The following EXD1 variants were observed in gnomAD, a reference collection of about 807,000 sequenced individuals.
EXD1 encodes the protein exonuclease 3'-5' domain containing 1, also known as piRNA biogenesis protein EXD1.
In EXD1, 63 loss-of-function variants were observed where a neutral mutation model predicts 49.1. The ratio of observed to expected loss-of-function variants is 1.28; its 90% CI spans 1.05 to 1.58. The LOEUF is 1.58. Among genes scored for constraint, EXD1 ranks in the 40% most tolerant of loss-of-function variants. The pLI is 0.00. For synonymous variants in EXD1, 234 were observed against 239.2 expected (o/e 0.98, Z 0.20); for missense variants, 748 against 666.0 (o/e 1.12, Z -1.36).
intron 6 of EXD1, among the ~76,000 whole-genome samples, chr15:41,213,618 C>T (rs192552015): frequency 7.2e-5 from 11 of 152,136 alleles, no homozygotes; most frequent in African/African-American, 2.7e-4. Flanking sequence ...TCCCACTCAG[C>T]CTCCCCAGTA....
intron 9 of EXD1, among the ~76,000 whole-genome samples, chr15:41,195,328 C>T (rs1428768901): frequency 6.6e-6 from 1 of 152,104 alleles, no homozygotes; most frequent in African/African-American, 2.4e-5. Context: ...CTGTTTGGGC[C>T]CACATAGATT....
rs2047226864 is a variant in EXD1, at chr15:41,230,601, G to T, written c.-176C>A. On this transcript the variant is annotated 5_prime_UTR_variant, in exon 1 of 12. Transcript: ENST00000458580. ...CTCGAACTTCAGTCTAGAACTAAAAGAAGAGGGGCTGCAATGAAGGAAGAA... is the reference window on the plus strand; with the variant it reads ...CTCGAACTTCAGTCTAGAACTAAAATAAGAGGGGCTGCAATGAAGGAAGAA... 6.4e-7 allele frequency: 1 copy of T among 1,574,030 alleles called. No homozygotes were observed. The highest frequency in any genetic ancestry group is 1.4e-5 in the African/African-American group (1 of 73,644).
chr15:41,215,617 C>T (rs368054797), intron 6 of EXD1, among the ~76,000 whole-genome samples, 158 bp downstream of exon 6: 5 of 151,392 alleles, frequency 3.3e-5, no homozygotes, highest in Admixed American at 2.6e-4. Context: ...ACCTGGGAGG[C>T]GGAGCTTGCA....
At chr15:41,214,591 G>A (rs942334470) in intron 6 of EXD1, among the ~76,000 whole-genome samples, 1 of 151,868 alleles carries the variant, frequency 6.6e-6, no homozygotes, top group African/African-American at 2.4e-5. Context: ...ACAATGTCTA[G>A]AAAGCCCTAA....
At chr15:41,216,230 A>G (rs8030732) in intron 5 of EXD1, among the ~76,000 whole-genome samples, 24,246 of 151,588 alleles carry the variant, frequency 0.16, 3,590 homozygotes, top group African/African-American at 0.39. Flanking sequence ...TTAGGATTCC[A>G]TAGAGAATCT....
At chr15:41,198,708 A>AT (rs896709895) in intron 7 of EXD1, among the ~76,000 whole-genome samples, 210 of 146,330 alleles carry the variant, frequency 1.4e-3, no homozygotes, top group Non-Finnish European at 1.9e-3. Context: ...ATTAAAAAAA[A>AT]TTTTTTTTTT....
rs2047229589 is a variant in EXD1 at position 41,230,708 on chromosome 15, A to T, written c.-283T>A. The T allele has an allele frequency of 1.4e-6, 1 of 716,084 alleles. No individual in the cohort carries two copies. The highest frequency in any genetic ancestry group is 2.2e-6 in the Non-Finnish European group (1 of 444,910). 44.4% of individuals were successfully genotyped at this position (716,084 alleles called of 1,614,324 possible). On this transcript the variant is annotated 5_prime_UTR_variant, in exon 1 of 12. Coordinates refer to ENST00000458580, the MANE Select transcript of EXD1 (RefSeq NM_001286441.2). Reference sequence around the variant, plus strand: ...TGGAGAAAGGTCCGCGACGCCGGGGACACACGCCGCAGAGGCGACGCCCGC... The same window carrying T: ...TGGAGAAAGGTCCGCGACGCCGGGGTCACACGCCGCAGAGGCGACGCCCGC...
chr15:41,202,917 C>CAAAAAAAAAAAAAA, intron 7 of EXD1, among the ~76,000 whole-genome samples: 1 of 89,490 alleles, frequency 1.1e-5, no homozygotes, highest in Non-Finnish European at 2.3e-5. Flanking sequence ...GACTCTGTCT[C>CAAAAAAAAAAAAAA]AAAAAAAAAA....
At chr15:41,210,693 G>A (rs142742090) in intron 6 of EXD1, among the ~76,000 whole-genome samples, 44 of 151,608 alleles carry the variant, frequency 2.9e-4, no homozygotes, top group African/African-American at 9.9e-4. Flanking sequence ...CTGAAATAGT[G>A]GTACCCCAGG....
intron 2 of EXD1, among the ~76,000 whole-genome samples, chr15:41,226,024 A>G (rs11070325): frequency 0.29 from 44,090 of 151,928 alleles, 8,957 homozygotes; most frequent in African/African-American, 0.57. Context: ...AGGCCAAGGC[A>G]GGCGGATCAC....
At chr15:41,229,452 C>T (rs1407846613) in intron 1 of EXD1, among the ~76,000 whole-genome samples, 2 of 151,804 alleles carry the variant, frequency 1.3e-5, no homozygotes, top group East Asian at 3.9e-4. Flanking sequence ...GGCCATTGCA[C>T]TCCAGCCCGG....
intron 2 of EXD1, among the ~76,000 whole-genome samples, chr15:41,221,823 C>A (rs1377914002): frequency 6.6e-6 from 1 of 152,018 alleles, no homozygotes; most frequent in Non-Finnish European, 1.5e-5. Context: ...CTTACTAAGG[C>A]CAAGCGCGGT....
intron 1 of EXD1, among the ~76,000 whole-genome samples, chr15:41,229,333 C>T (rs979098569): frequency 1.3e-5 from 2 of 151,996 alleles, no homozygotes; most frequent in Non-Finnish European, 2.9e-5. Flanking sequence ...CAAAAATTAG[C>T]TGGGCGTGGT....
chr15:41,185,752 C>G (rs1461723125), intron 11 of EXD1, among the ~76,000 whole-genome samples: 2 of 151,994 alleles, frequency 1.3e-5, no homozygotes, highest in Non-Finnish European at 2.9e-5. Flanking sequence ...AATCCCTGGG[C>G]TCAAGTGATC....
chr15:41,188,673 T>C (rs769930516), intron 11 of EXD1, among the ~76,000 whole-genome samples: 5 of 152,060 alleles, frequency 3.3e-5, no homozygotes, highest in Non-Finnish European at 7.4e-5. Flanking sequence ...ATTACAGGTA[T>C]GAGCCACCGT....
At position 41,219,870 on chromosome 15, in the gene EXD1, G is replaced by A; in HGVS notation, c.162C>T (p.Val54=). 1.3e-6 allele frequency: 2 copies of A among 1,535,508 alleles called. No homozygotes were observed. Among genetic ancestry groups the A allele is most frequent in the Non-Finnish European group, 1.7e-6 (2 of 1,146,714 alleles). Residue 54 remains valine (V), a synonymous_variant, in exon 3 of 12, where the codon GTC becomes GTT. Coordinates refer to ENST00000458580, the MANE Select transcript of EXD1 (RefSeq NM_001286441.2). ...GCCCAAAAAACAACTTCACTCCTGG[G>A]ACACTTCGACCTGTCTCCACATTCT... ...KVKNVETGRS[V]PGVKLFFGHE...
At chr15:41,218,314 G>A (rs556556922) in intron 3 of EXD1, among the ~76,000 whole-genome samples, 11 of 151,956 alleles carry the variant, frequency 7.2e-5, no homozygotes, top group African/African-American at 2.2e-4. Flanking sequence ...GTGAAACCCC[G>A]TTTCTACTAA....
At chr15:41,214,735 A>T (rs1595452550) in intron 6 of EXD1, among the ~76,000 whole-genome samples, 1 of 150,416 alleles carries the variant, frequency 6.6e-6, no homozygotes, top group South Asian at 2.1e-4. Context: ...TGCTAATTCC[A>T]CTTTTAAGTT....
rs776917452 is a variant in EXD1, at chr15:41,184,075, T to G, written c.1575A>C (p.Ser525=). The change falls in exon 12 of 12, where the codon TCA becomes TCC. Residue 525 remains serine (S), a synonymous_variant. Coordinates refer to ENST00000458580, the MANE Select transcript of EXD1 (RefSeq NM_001286441.2). ...TGGTTTCCTGAGGAAAGGAAGACATTGAAACAGCCTGTTTTGTGCATTTTA... is the reference window on the plus strand; with the variant it reads ...TGGTTTCCTGAGGAAAGGAAGACATGGAAACAGCCTGTTTTGTGCATTTTA... ...EDLKCTKQAV[S]MSSFPQETRV... 1.2e-5 allele frequency: 20 copies of G among 1,614,180 alleles called. No homozygotes were observed. The Admixed American group carries it at 3.3e-4, about 27-fold the overall frequency.
Sources: gnomAD v4.1 joint callset for allele counts (sites outside exome capture counted in the v4.1 genomes callset) on GRCh38, gnomAD v4.1.1 for gene constraint, MANE v1.5 for transcripts, NCBI Gene and HGNC (gene_info 2026-07-23, HGNC 2026-07-21) for gene names.